The following DNMT3A variants were observed in gnomAD, a reference collection of about 807,000 sequenced individuals.
DNMT3A encodes DNA (cytosine-5)-methyltransferase 3A.
In DNMT3A, 267 loss-of-function variants were observed where a neutral mutation model predicts 117.6. The ratio of observed to expected loss-of-function variants is 2.27; its 90% CI spans 2.05 to 2.51. The LOEUF is 2.51. Ranked by LOEUF, DNMT3A falls within the 30% of genes most tolerant of loss-of-function variation. The pLI is 0.00. For synonymous variants in DNMT3A, 432 were observed against 474.8 expected (o/e 0.91, Z 1.17); for missense variants, 1,029 against 1,260.2 (o/e 0.82, Z 2.78).
intron 3 of DNMT3A, among the ~76,000 whole-genome samples, chr2:25,288,773 C>A (rs1439458995): frequency 6.6e-6 from 1 of 152,214 alleles, no homozygotes; most frequent in Non-Finnish European, 1.5e-5. Context: ...AAACTGTCTC[C>A]ATTCAACACT....
intron 18 of DNMT3A, 69 bp from the exon 19 acceptor site, chr2:25,240,519 G>A (rs1558659630): frequency 2.1e-5 from 33 of 1,579,348 alleles, no homozygotes; most frequent in Middle Eastern, 1.9e-4. Flanking sequence ...GCTCGGGCAC[G>A]GGGAGGGCAC....
intron 3 of DNMT3A, among the ~76,000 whole-genome samples, chr2:25,288,227 G>T (rs1298067827): frequency 6.7e-6 from 1 of 150,090 alleles, no homozygotes; most frequent in Non-Finnish European, 1.5e-5. Flanking sequence ...GAGGTCAGCA[G>T]ATTGAGACCA....
chr2:25,249,590 A>G, intron 6 of DNMT3A: 1 of 1,583,738 alleles, frequency 6.3e-7, no homozygotes, highest in Non-Finnish European at 8.7e-7. Context: ...GCTCTCTGCC[A>G]TCCCACCAAC....
chr2:25,321,874 G>C (rs1373302329), intron 1 of DNMT3A, among the ~76,000 whole-genome samples: 1 of 152,186 alleles, frequency 6.6e-6, no homozygotes, highest in Admixed American at 6.5e-5. Context: ...CAAAGATCGA[G>C]ATCCTGTCTC....
At chr2:25,245,190 A>G (rs1223162437) in intron 13 of DNMT3A, 63 bp downstream of exon 13, 14 of 1,505,468 alleles carry the variant, frequency 9.3e-6, no homozygotes, top group Non-Finnish European at 1.3e-5. Context: ...CGGTGGACAC[A>G]GTCAGCCAGA....
rs1481673230 is a variant in DNMT3A, at chr2:25,327,716, C to T, written c.-177-13555G>A. On this transcript the variant is annotated intron_variant, in intron 1 of 22. Coordinates refer to ENST00000321117, the MANE Select transcript of DNMT3A (RefSeq NM_022552.5). This position sits in a 1 kb window ranked among gnomAD's most constrained non-coding sequence, Gnocchi z 4.1. Reference sequence around the variant, plus strand: ...CGCCTCCTACTGCCAGGGGCTCCAGCTCTATTTATTTTCATCCCAACTGGA... The same window carrying T: ...CGCCTCCTACTGCCAGGGGCTCCAGTTCTATTTATTTTCATCCCAACTGGA... Among the ~76,000 whole-genome samples, 9 of 152,224 alleles carry T rather than the reference C, an allele frequency of 5.9e-5. No individual in the cohort carries two copies. The highest frequency in any genetic ancestry group is 2.2e-4 in the African/African-American group (9 of 41,456).
chr2:25,329,909 G>A (rs1272030152), intron 1 of DNMT3A, among the ~76,000 whole-genome samples: 1 of 152,138 alleles, frequency 6.6e-6, no homozygotes, highest in African/African-American at 2.4e-5. Flanking sequence ...CTACTGTATG[G>A]GCCAAAGAGG....
At chr2:25,276,572 G>A (rs551970568) in intron 4 of DNMT3A, among the ~76,000 whole-genome samples, 1 of 152,320 alleles carries the variant, frequency 6.6e-6, no homozygotes, top group South Asian at 2.1e-4. Context: ...CTCCTCCCAG[G>A]CATCCCCCTG....
chr2:25,240,002 T>C (rs1244844432), intron 19 of DNMT3A, among the ~76,000 whole-genome samples: 1 of 152,180 alleles, frequency 6.6e-6, no homozygotes, highest in Admixed American at 6.5e-5. Context: ...ACAAACACCA[T>C]ACAGAATACC....
intron 2 of DNMT3A, among the ~76,000 whole-genome samples, chr2:25,312,744 G>A (rs1266561543): frequency 6.6e-6 from 1 of 152,212 alleles, no homozygotes; most frequent in African/African-American, 2.4e-5. Flanking sequence ...ACACTCTGAA[G>A]AATGGTAAAC....
chr2:25,303,317 C>T (rs1240846847), intron 2 of DNMT3A, among the ~76,000 whole-genome samples: 1 of 152,272 alleles, frequency 6.6e-6, no homozygotes, highest in Non-Finnish European at 1.5e-5. Flanking sequence ...TTCCACTGGG[C>T]ATGCGGAGAA....
rs541289604 is a variant in DNMT3A at position 25,337,972 on chromosome 2, T to G, written c.-178+3854A>C. ...AATATTCAAACAAAAGTAGAAGCTA[T>G]TCCCCGAGGGCCGCAGCATGGGGAA... On this transcript the variant is annotated intron_variant, in intron 1 of 22. Coordinates refer to ENST00000321117, the MANE Select transcript of DNMT3A (RefSeq NM_022552.5). This position sits in a 1 kb window ranked among gnomAD's most constrained non-coding sequence, Gnocchi z 5.0. 6.6e-6 allele frequency among the ~76,000 whole-genome samples: 1 copy of G among 152,316 alleles called. No individual in the cohort carries two copies. Among genetic ancestry groups the G allele is most frequent in the South Asian group, 2.1e-4 (1 of 4,832 alleles).
At chr2:25,300,289 A>C (rs868809690) in intron 2 of DNMT3A, 46 bp from the exon 3 acceptor site, 2 of 1,589,658 alleles carry the variant, frequency 1.3e-6, no homozygotes, top group African/African-American at 2.7e-5. Context: ...GGATCCCAGC[A>C]GTGTAGCATT....
intron 1 of DNMT3A, chr2:25,328,628 C>T: frequency 2.0e-6 from 1 of 512,054 alleles, no homozygotes; most frequent in Non-Finnish European, 4.0e-6. Context: ...TCCGGGTGAC[C>T]CTGGAGGCAG....
rs1302207601 is a variant in DNMT3A at position 25,252,072 on chromosome 2, G to C, written c.640-3820C>G. ...ACTCGGGCCAGGCCGGGACGCCGCG[G>C]CTGCTGCGGGCCGGGGAGGCATACT... is the stretch of plus-strand genomic sequence containing the variant. On this transcript the variant is annotated intron_variant, in intron 6 of 22. Transcript: ENST00000321117. This position sits in a 1 kb window ranked among gnomAD's most constrained non-coding sequence, Gnocchi z 5.5. 1 of 1,301,836 alleles carries C rather than the reference G, an allele frequency of 7.7e-7. No individual in the cohort carries two copies. Among genetic ancestry groups the C allele is most frequent in the Non-Finnish European group, 1.0e-6 (1 of 957,744 alleles). The allele number at this position is 1,301,836 out of a possible 1,614,324, so 80.6% of individuals were successfully genotyped here.
intron 6 of DNMT3A, among the ~76,000 whole-genome samples, chr2:25,255,441 T>C (rs909277612): frequency 2.0e-5 from 3 of 152,160 alleles, no homozygotes; most frequent in Admixed American, 2.0e-4. Context: ...AACTCCTGGA[T>C]GAGAAGAAAA....
intron 6 of DNMT3A, among the ~76,000 whole-genome samples, chr2:25,270,101 T>C (rs913852738): frequency 6.6e-6 from 1 of 152,218 alleles, no homozygotes; most frequent in Admixed American, 6.5e-5. Context: ...TCCAGCCACA[T>C]TTCCTAGCTG....
At chr2:25,245,937 G>T in intron 12 of DNMT3A, 83 bp downstream of exon 12, 1 of 1,573,222 alleles carries the variant, frequency 6.4e-7, no homozygotes, top group Non-Finnish European at 8.7e-7. Flanking sequence ...CTGGTCCCAT[G>T]TCATTCAAAC....
At position 25,257,683 on chromosome 2, in the gene DNMT3A, C is replaced by A. The variant is rs1056211306; in HGVS notation, c.640-9431G>T. On this transcript the variant is annotated intron_variant, in intron 6 of 22. Transcript: ENST00000321117. This position sits in a 1 kb window ranked among gnomAD's most constrained non-coding sequence, Gnocchi z 4.8. ...TGCTAATCACCTCGCCAGGAGAACC[C>A]CAGATTCACTTTGGTTTAATTGCAT... Among the ~76,000 whole-genome samples, 2 of 152,134 alleles carry A rather than the reference C, an allele frequency of 1.3e-5. No homozygotes were observed. Among genetic ancestry groups the A allele is most frequent in the African/African-American group, 4.8e-5 (2 of 41,430 alleles).
Sources: gnomAD v4.1 joint callset for allele counts (sites outside exome capture counted in the v4.1 genomes callset) on GRCh38, gnomAD v4.1.1 for gene constraint, Gnocchi (gnomAD v3.1) non-coding constraint, MANE v1.5 for transcripts, NCBI Gene and HGNC (gene_info 2026-07-23, HGNC 2026-07-21) for gene names.